Variants in RASGRF2 observed in about 807,000 individuals in gnomAD.
RASGRF2 encodes the protein Ras protein specific guanine nucleotide releasing factor 2.
In RASGRF2, 76 loss-of-function variants were observed where a neutral mutation model predicts 151.0. That is an observed-to-expected ratio of 0.50 (90% CI 0.42 to 0.61). The LOEUF is 0.61. RASGRF2 is among the 20% of genes least tolerant of loss of function. RASGRF2 has a pLI of 0.00. For missense variants in RASGRF2, 1,148 were observed against 1,564.6 expected (o/e 0.73, Z 4.49); for synonymous variants, 504 against 566.5 (o/e 0.89, Z 1.57).
intron 25 of RASGRF2, among the ~76,000 whole-genome samples, chr5:81,218,197 G>GA (rs961043619): frequency 6.6e-6 from 1 of 152,182 alleles, no homozygotes; most frequent in African/African-American, 2.4e-5. Context: ...TCTTGCGGTG[G>GA]AAGAGGAGGT....
chr5:81,087,066 A>ACC lies in RASGRF2; in HGVS notation c.1390+119_1390+120dup. 8.1e-6 allele frequency: 8 copies of ACC among 983,754 alleles called. No individual in the cohort carries two copies. In the South Asian group the frequency reaches 1.1e-4, roughly 13 times the overall value. 60.9% of individuals were successfully genotyped at this position (983,754 alleles called of 1,614,324 possible). ...GCGTGACGGGTGCGGTGCCCGAAGG[A>ACC]CCCCCCCACGGCCTTCGCCGAGGCG... On this transcript the variant is annotated intron_variant, in intron 9 of 26. Coordinates refer to ENST00000265080, the MANE Select transcript of RASGRF2 (RefSeq NM_006909.3).
At position 81,219,766 on chromosome 5, in the gene RASGRF2, T is replaced by A; in HGVS notation, c.3609T>A (p.Asp1203Glu). Reference protein sequence around the residue: ...RQFQQTSYRIDHQPKVAQYLL... With the variant: ...RQFQQTSYRIEHQPKVAQYLL... ...TCCAGCAGACTTCCTACAGAATAGATCATCAGCCAAAGGTAATATTATGTG... is the reference window on the plus strand; with the variant it reads ...TCCAGCAGACTTCCTACAGAATAGAACATCAGCCAAAGGTAATATTATGTG... Residue 1203 changes from aspartate to glutamate, a missense_variant, in exon 26 of 27, where the codon GAT (aspartate) becomes GAA (glutamate). By Grantham distance (45) the Asp-to-Glu change is conservative. Coordinates refer to ENST00000265080, the MANE Select transcript of RASGRF2 (RefSeq NM_006909.3). 6.2e-7 allele frequency: 1 copy of A among 1,604,436 alleles called. No homozygotes were observed. Among genetic ancestry groups the A allele is most frequent in the Non-Finnish European group, 8.5e-7 (1 of 1,171,386 alleles).
chr5:81,175,270 C>A (rs1388056791), intron 17 of RASGRF2, among the ~76,000 whole-genome samples: 3 of 152,144 alleles, frequency 2.0e-5, no homozygotes, highest in Admixed American at 6.5e-5. Context: ...GTTATTATTG[C>A]CTTGGTTGTG....
rs141496215 is a variant in RASGRF2, at chr5:81,075,084, G to T, written c.887+1632G>T. Among the ~76,000 whole-genome samples the T allele has an allele frequency of 5.1e-3, 770 of 152,266 alleles. 6 individuals are homozygous for T. Among genetic ancestry groups the T allele is most frequent in the African/African-American group, 0.016 (677 of 41,540 alleles). The stretch of plus-strand genomic sequence containing the variant: ...AATAGTCTGTAGGGAGATCAATTAG[G>T]TGGCTATTCAATAAACAGAGTGAGA... On this transcript the variant is annotated intron_variant, in intron 5 of 26. Coordinates refer to ENST00000265080, the MANE Select transcript of RASGRF2 (RefSeq NM_006909.3).
chr5:81,135,921 C>T (rs868479965), intron 17 of RASGRF2, among the ~76,000 whole-genome samples: 6 of 152,200 alleles, frequency 3.9e-5, no homozygotes, highest in Admixed American at 2.0e-4. Flanking sequence ...GTTCCATTTG[C>T]TCCATACAAC....
intron 17 of RASGRF2, among the ~76,000 whole-genome samples, chr5:81,137,488 T>C (rs1175840502): frequency 1.3e-5 from 2 of 152,240 alleles, no homozygotes; most frequent in Non-Finnish European, 2.9e-5. Context: ...GCTTGCTTTA[T>C]ATCTGTTATG....
At chr5:81,072,088 T>C (rs1001365370) in intron 4 of RASGRF2, among the ~76,000 whole-genome samples, 3 of 152,226 alleles carry the variant, frequency 2.0e-5, no homozygotes, top group African/African-American at 7.2e-5. Flanking sequence ...TTCAAAATAA[T>C]GTCTGCATGG....
At chr5:81,051,034 T>C (rs1051797187) in intron 2 of RASGRF2, among the ~76,000 whole-genome samples, 1 of 152,256 alleles carries the variant, frequency 6.6e-6, no homozygotes, top group African/African-American at 2.4e-5. Flanking sequence ...ATTGATAAGA[T>C]TGTGTTTTGC....
Position 81,068,190 on chromosome 5 carries a change from G to A in RASGRF2, c.543+11G>A, listed in dbSNP as rs73766178. 3,886 of 1,605,844 alleles carry A rather than the reference G, an allele frequency of 2.4e-3. 82 individuals carry two copies. In the African/African-American group the frequency reaches 0.045, roughly 19 times the overall value. On this transcript the variant is annotated intron_variant, in intron 3 of 26. Transcript: ENST00000265080. ...AGGCTTAAATCAGAGGTATTTCCCA[G>A]TCAATAGATTCCTTCTCATTGTTTC... is the stretch of plus-strand genomic sequence containing the variant.
chr5:81,113,983 T>G, intron 15 of RASGRF2, 63 bp downstream of exon 15: 1 of 1,520,904 alleles, frequency 6.6e-7, no homozygotes, highest in Non-Finnish European at 8.9e-7. Flanking sequence ...CTCCTCACCC[T>G]TCCTTTTGGA....
chr5:81,170,075 A>G (rs1317729675), intron 17 of RASGRF2, among the ~76,000 whole-genome samples: 1 of 133,692 alleles, frequency 7.5e-6, no homozygotes, highest in Non-Finnish European at 1.6e-5. Flanking sequence ...GTTATCATCC[A>G]CACCACCTGC....
intron 1 of RASGRF2, among the ~76,000 whole-genome samples, chr5:81,022,092 G>T (rs915353686): frequency 6.6e-6 from 1 of 152,196 alleles, no homozygotes; most frequent in African/African-American, 2.4e-5. Context: ...GAGATTCAAA[G>T]TATAGGAACG....
In RASGRF2 at chr5:81,207,282, T is replaced by C; in HGVS notation, c.3004T>C (p.Ser1002Pro). 6.2e-7 allele frequency: 1 copy of C among 1,614,232 alleles called. No individual in the cohort carries two copies. The highest frequency in any genetic ancestry group is 8.5e-7 in the Non-Finnish European group (1 of 1,180,046). Residue 1002 changes from serine to proline, a missense_variant, in exon 21 of 27, where the codon TCG (serine) becomes CCG (proline). Transcript: ENST00000265080. ...CMKAECFESL[S>P]AMELAEQITL... ...GAAGGCCGAATGCTTTGAGTCCTTG[T>C]CGGCCATGGAGCTGGCAGAACAGAT...
chr5:81,020,037 T>A (rs1220086060), intron 1 of RASGRF2, among the ~76,000 whole-genome samples: 2 of 152,304 alleles, frequency 1.3e-5, no homozygotes, highest in African/African-American at 4.8e-5. Flanking sequence ...ACACATAGCA[T>A]GAACAGCAGA....
chr5:81,113,438 G>C (rs1320253866), intron 14 of RASGRF2, 100 bp from the exon 15 acceptor site: 5 of 1,354,398 alleles, frequency 3.7e-6, no homozygotes, highest in Non-Finnish European at 5.1e-6. Flanking sequence ...AGTGCAATGA[G>C]ATTGTGACCT....
At chr5:81,005,783 C>T (rs955321413) in intron 1 of RASGRF2, among the ~76,000 whole-genome samples, 3 of 152,048 alleles carry the variant, frequency 2.0e-5, no homozygotes, top group African/African-American at 7.2e-5. Flanking sequence ...TTTTGCAGTA[C>T]TTTTTTTCCT....
At chr5:81,087,114 C>G in intron 9 of RASGRF2, 161 bp downstream of exon 9, 1 of 734,418 alleles carries the variant, frequency 1.4e-6, no homozygotes, top group Non-Finnish European at 2.5e-6. Flanking sequence ...CACCTTTGTG[C>G]TGTTTCTTTT....
chr5:81,032,911 T>C (rs1327702688), intron 1 of RASGRF2, among the ~76,000 whole-genome samples: 5 of 151,854 alleles, frequency 3.3e-5, no homozygotes, highest in African/African-American at 9.7e-5. Context: ...TCATCTCAGC[T>C]CAAAATCTCC....
chr5:81,080,541 G>A (rs989953728), intron 6 of RASGRF2, 55 bp from the exon 7 acceptor site: 2 of 1,525,706 alleles, frequency 1.3e-6, no homozygotes, highest in East Asian at 2.3e-5. Flanking sequence ...CCTGCCCAGT[G>A]TAGGTAATTT....
Sources: allele counts gnomAD v4.1 joint callset (sites outside exome capture counted in the v4.1 genomes callset), GRCh38; gene constraint gnomAD v4.1.1; transcripts MANE v1.5; gene names NCBI Gene and HGNC (gene_info 2026-07-23, HGNC 2026-07-21).